ASB11: variants seen among roughly 807,000 people sequenced by gnomAD.
ASB11 encodes ankyrin repeat and SOCS box protein 11.
ASB11 carries 17 observed loss-of-function variants against 20.1 expected under a neutral mutation model. The observed-to-expected ratio is 0.85, with a 90% CI of 0.58 to 1.27. The LOEUF (loss-of-function observed/expected upper bound fraction) is 1.27, where lower values mean the gene tolerates loss of function less well. ASB11 is among the 50% of genes most tolerant of loss of function. The pLI is 0.00. For missense variants in ASB11, 259 were observed against 256.9 expected (o/e 1.01, Z -0.06); for synonymous variants, 107 against 105.6 (o/e 1.01, Z -0.08).
intron 1 of ASB11, among the ~76,000 whole-genome samples, chrX:15,308,971 C>A (rs779417872): frequency 9.0e-6 from 1 of 111,478 alleles, no homozygotes; most frequent in East Asian, 2.8e-4. Flanking sequence ...GGCTGGAGTG[C>A]AGTGGTGCAA....
rs1927465158 is a variant in ASB11, at chrX:15,289,119, A to G, written c.655+385T>C. On this transcript the variant is annotated intron_variant, in intron 5 of 6. Transcript: ENST00000480796. ...GTTTCCAGTGAAGCCTAATAAATGC[A>G]GAGTAGGCTGAAATCTAGGCCTAAA... Among the ~76,000 whole-genome samples, 3 of 112,289 alleles carry G rather than the reference A, an allele frequency of 2.7e-5. No individual in the cohort carries two copies. In the South Asian group the frequency reaches 1.1e-3, roughly 41 times the overall value.
intron 1 of ASB11, chrX:15,314,599 C>T: frequency 8.4e-6 from 8 of 947,800 alleles, no homozygotes; most frequent in South Asian, 4.6e-5. Context: ...GAAAGAGAAT[C>T]CTGGATGCAA....
rs1927432895 is a variant in ASB11 at position 15,287,891 on chromosome X, C to A, written c.837G>T (p.Leu279Phe). The change falls in exon 6 of 7, where the codon TTG (leucine) becomes TTT (phenylalanine). Residue 279 changes from leucine (L) to phenylalanine (F), a missense_variant. Coordinates refer to ENST00000480796, the MANE Select transcript of ASB11 (RefSeq NM_080873.3). ...CCAGCCCTTGGTTACCTTCACGGAG[C>A]AAGAGTGCCTGCTCCACGCTGCTTT... ...APKSSVEQALLLREGPPALSQ... is the reference protein window; with the variant it reads ...APKSSVEQALFLREGPPALSQ... The A allele has an allele frequency of 8.3e-7, 1 of 1,205,728 alleles. No individual in the cohort carries two copies. Among genetic ancestry groups the A allele is most frequent in the Non-Finnish European group, 1.1e-6 (1 of 892,732 alleles).
At position 15,289,322 on chromosome X, in the gene ASB11, C is replaced by T. The variant is rs1161082192; in HGVS notation, c.655+182G>A. 2.7e-5 allele frequency among the ~76,000 whole-genome samples: 3 copies of T among 112,627 alleles called. No homozygotes were observed. The East Asian group carries it at 8.3e-4, about 31-fold the overall frequency. ...AACAATACCAGGTAAATGGAGTTAACATCAAAGGAAGCAGGACTGAGAAAT... is the reference window on the plus strand; with the variant it reads ...AACAATACCAGGTAAATGGAGTTAATATCAAAGGAAGCAGGACTGAGAAAT... On this transcript the variant is annotated intron_variant, in intron 5 of 6. Transcript: ENST00000480796.
intron 2 of ASB11, among the ~76,000 whole-genome samples, chrX:15,298,031 G>A (rs1920984676): frequency 8.9e-6 from 1 of 112,135 alleles, no homozygotes; most frequent in African/African-American, 3.2e-5. Context: ...GCATTCTGGA[G>A]CAGGTAATGT....
Position 15,283,020 on chromosome X carries a change from A to ATATATATACGTATATGTATG in ASB11, c.*484_*485insCATACATATACGTATATATA. ...TATGTATGTATATATATATACGTATATATATACAAAAAATCAAAATTATAC... is the reference window on the plus strand; with the variant it reads ...TATGTATGTATATATATATACGTATATATATATACGTATATGTATGTATATACAAAAAATCAAAATTATAC... On this transcript the variant is annotated 3_prime_UTR_variant, in exon 7 of 7. Transcript: ENST00000480796. 9.2e-6 allele frequency: 1 copy of ATATATATACGTATATGTATG among 108,291 alleles called. No individual in the cohort carries two copies. Among genetic ancestry groups the ATATATATACGTATATGTATG allele is most frequent in the African/African-American group, 3.4e-5 (1 of 29,434 alleles). 8.9% of individuals were successfully genotyped at this position (108,291 alleles called of 1,213,427 possible).
At chrX:15,302,356 T>C (rs1921094711) in intron 2 of ASB11, among the ~76,000 whole-genome samples, 1 of 112,293 alleles carries the variant, frequency 8.9e-6, no homozygotes, top group Admixed American at 9.4e-5. Context: ...TTTGAGGTCA[T>C]TTTTTAGGCA....
intron 1 of ASB11, among the ~76,000 whole-genome samples, chrX:15,306,006 T>C (rs1248003234): frequency 1.8e-5 from 2 of 112,141 alleles, no homozygotes; most frequent in South Asian, 3.7e-4. Context: ...GCTCCACTTA[T>C]AAGTGAGAAC....
rs1430209793 is a variant in ASB11, at chrX:15,302,798, G to A, written c.191C>T (p.Ala64Val). 2 of 1,210,097 alleles carry A rather than the reference G, an allele frequency of 1.7e-6. No individual in the cohort carries two copies. The highest frequency in any genetic ancestry group is 4.3e-5 in the Admixed American group (2 of 45,995). Residue 64 changes from alanine (A) to valine (V), a missense_variant, in exon 2 of 7, where the codon GCT (alanine) becomes GTT (valine). By Grantham distance (64) the Ala-to-Val change is moderately conservative (BLOSUM62 0). Transcript: ENST00000480796. ...AGCTTCATGAAGTGGGGATCGATCA[G>A]CCCAGCAATCTGAAACACAAATCAA... is the stretch of plus-strand genomic sequence containing the variant. ...EIYGGISDCW[A>V]DRSPLHEAAA...
At position 15,306,589 on chromosome X, in the gene ASB11, G is replaced by A. The variant is rs912863869; in HGVS notation, c.182-3782C>T. On this transcript the variant is annotated intron_variant, in intron 1 of 6. Coordinates refer to ENST00000480796, the MANE Select transcript of ASB11 (RefSeq NM_080873.3). ...ACGGTGGTAGGCGCCTGTAATCCCA[G>A]CTACTTGGGAGGCTGAGGCAGGAGA... Among the ~76,000 whole-genome samples the A allele has an allele frequency of 5.5e-5, 6 of 109,696 alleles. No homozygotes were observed. In the Admixed American group the frequency reaches 5.9e-4, roughly 11 times the overall value.
At chrX:15,305,597 TTAGATAGATAGATAGATAGA>T (rs74919898) in intron 1 of ASB11, among the ~76,000 whole-genome samples, 2 of 98,515 alleles carry the variant, frequency 2.0e-5, no homozygotes, top group Non-Finnish European at 4.1e-5. Context: ...AAAAAAAAGA[TTAGATAGATAGATAGATAGA>T]TAGATAGATA....
intron 2 of ASB11, 39 bp downstream of exon 2, chrX:15,302,689 T>C: frequency 8.8e-7 from 1 of 1,130,521 alleles, no homozygotes; most frequent in Non-Finnish European, 1.2e-6. Context: ...TGTGTAATTA[T>C]AGCATAAGCA....
rs191262452 is a variant in ASB11, at chrX:15,302,869, C to A, written c.182-62G>T. The A allele has an allele frequency of 1.9e-4, 195 of 1,013,725 alleles. No individual in the cohort carries two copies. In the African/African-American group the frequency reaches 3.0e-3, roughly 16 times the overall value. The allele number at this position is 1,013,725 out of a possible 1,213,427, so 83.5% of individuals were successfully genotyped here. A position where few individuals can be genotyped will look rare whatever the true frequency, so the allele number is the denominator to read the frequency against. ...GACTTCTTCCTGTAACTTGTCCATGCTGCCCACCCACTGTGAGAGGAGGTT... is the reference window on the plus strand; with the variant it reads ...GACTTCTTCCTGTAACTTGTCCATGATGCCCACCCACTGTGAGAGGAGGTT... On this transcript the variant is annotated intron_variant, in intron 1 of 6. Transcript: ENST00000480796.
At chrX:15,305,586 A>C (rs912340105) in intron 1 of ASB11, among the ~76,000 whole-genome samples, 4 of 88,634 alleles carry the variant, frequency 4.5e-5, no homozygotes, top group African/African-American at 1.6e-4. Flanking sequence ...TTTTAACAAG[A>C]AAAAAAAAGA....
At chrX:15,297,377 G>A (rs1392845529) in intron 3 of ASB11, among the ~76,000 whole-genome samples, 197 bp downstream of exon 3, 1 of 112,086 alleles carries the variant, frequency 8.9e-6, no homozygotes, top group Non-Finnish European at 1.9e-5. Flanking sequence ...GTTCCTGTGA[G>A]TTGCCATGTC....
chrX:15,311,290 G>T (rs1170631131), intron 1 of ASB11, among the ~76,000 whole-genome samples: 2 of 112,598 alleles, frequency 1.8e-5, no homozygotes, highest in African/African-American at 6.5e-5. Flanking sequence ...TAGAAAGAAG[G>T]CTCCTTTGAA....
At chrX:15,314,675 G>C in intron 1 of ASB11, 1 of 528,749 alleles carries the variant, frequency 1.9e-6, no homozygotes, top group Non-Finnish European at 2.5e-6. Context: ...AAAAATACAC[G>C]GGGAAATTCT....
At chrX:15,307,062 A>G (rs1921267791) in intron 1 of ASB11, among the ~76,000 whole-genome samples, 2 of 112,497 alleles carry the variant, frequency 1.8e-5, no homozygotes, top group South Asian at 7.3e-4. Flanking sequence ...TCCATTTAAA[A>G]ATAAAGACAG....
At chrX:15,288,211 C>G (rs1927443402) in intron 5 of ASB11, 139 bp from the exon 6 acceptor site, 4 of 641,895 alleles carry the variant, frequency 6.2e-6, no homozygotes, top group Non-Finnish European at 8.9e-6. Context: ...CAACTCAAGC[C>G]TAGAACCTCA....
Sources: gnomAD v4.1 joint callset for allele counts (sites outside exome capture counted in the v4.1 genomes callset) on GRCh38, gnomAD v4.1.1 for gene constraint, MANE v1.5 for transcripts, NCBI Gene and HGNC (gene_info 2026-07-23, HGNC 2026-07-21) for gene names.